Variants in CRPPA observed in about 807,000 individuals in gnomAD.
CRPPA encodes CDP-L-ribitol pyrophosphorylase A.
A neutral mutation model predicts 52.0 loss-of-function variants in CRPPA; 43 were observed. The ratio of observed to expected loss-of-function variants is 0.83; its 90% confidence interval spans 0.65 to 1.07. CRPPA has a LOEUF of 1.07. CRPPA is among the 50% of genes least tolerant of loss of function. CRPPA has a pLI of 0.00. For missense variants in CRPPA, 629 were observed against 551.7 expected (o/e 1.14, Z -1.40); for synonymous variants, 250 against 203.5 (o/e 1.23, Z -1.94).
In CRPPA at chr7:16,200,258, A is replaced by G. The variant is rs113604479; in HGVS notation, c.1251+15808T>C. The stretch of plus-strand genomic sequence containing the variant: ...ACCTCTCAGGAGTTCTTGTGCAAGA[A>G]GCAAAGTGGTTATGCTTACATACTA... On this transcript the variant is annotated intron_variant, in intron 9 of 9. Transcript: ENST00000407010. Among the ~76,000 whole-genome samples, 384 of 152,328 alleles carry G rather than the reference A, an allele frequency of 2.5e-3. 1 individual carries two copies. The highest frequency in any genetic ancestry group is 4.0e-3 in the Non-Finnish European group (273 of 68,018).
intron 2 of CRPPA, among the ~76,000 whole-genome samples, chr7:16,387,041 A>G (rs1787287241): frequency 1.1e-5 from 1 of 95,136 alleles, no homozygotes; most frequent in Non-Finnish European, 2.2e-5. Context: ...AAAATAAAAA[A>G]AAGATATATA....
At chr7:16,302,132 T>A (rs1784800603) in intron 4 of CRPPA, among the ~76,000 whole-genome samples, 1 of 151,770 alleles carries the variant, frequency 6.6e-6, no homozygotes, top group Admixed American at 6.6e-5. Context: ...CCGTCTCTAC[T>A]AAAAATACAA....
chr7:16,186,700 A>G (rs1294119362), intron 9 of CRPPA, among the ~76,000 whole-genome samples: 2 of 152,236 alleles, frequency 1.3e-5, no homozygotes, highest in Non-Finnish European at 2.9e-5. Flanking sequence ...ATATAGTACT[A>G]CACAATTTAT....
chr7:16,229,858 G>C (rs936771399), intron 8 of CRPPA, among the ~76,000 whole-genome samples: 2 of 151,992 alleles, frequency 1.3e-5, no homozygotes, highest in African/African-American at 4.8e-5. Context: ...GTTTGTCCAG[G>C]AAAGTATTCA....
intron 8 of CRPPA, among the ~76,000 whole-genome samples, chr7:16,243,734 G>C (rs1187634823): frequency 1.3e-5 from 2 of 152,154 alleles, no homozygotes. Flanking sequence ...GGGAGGCCAA[G>C]GTGGAAAGAT....
intron 2 of CRPPA, among the ~76,000 whole-genome samples, chr7:16,401,096 G>T (rs1248459907): frequency 1.3e-5 from 2 of 152,106 alleles, no homozygotes; most frequent in Admixed American, 6.5e-5. Flanking sequence ...CCCCTTTCCT[G>T]TCCCCAGAGG....
intron 3 of CRPPA, among the ~76,000 whole-genome samples, chr7:16,322,039 C>T (rs1785276612): frequency 6.6e-6 from 1 of 152,096 alleles, no homozygotes; most frequent in South Asian, 2.1e-4. Context: ...CCTGATGACA[C>T]CTCAATTTTG....
At chr7:16,253,070 G>T (rs537529753) in intron 8 of CRPPA, among the ~76,000 whole-genome samples, 1 of 152,004 alleles carries the variant, frequency 6.6e-6, no homozygotes, top group Non-Finnish European at 1.5e-5. Context: ...TGGATTCATT[G>T]ATTTTTTGAA....
At chr7:16,321,428 A>G (rs148590563) in intron 3 of CRPPA, among the ~76,000 whole-genome samples, 163 of 152,276 alleles carry the variant, frequency 1.1e-3, no homozygotes, top group African/African-American at 3.8e-3. Flanking sequence ...CATGTGACAT[A>G]TCTAACCCCA....
chr7:16,096,463 T>A (rs1051609493), intron 9 of CRPPA, among the ~76,000 whole-genome samples: 1 of 152,096 alleles, frequency 6.6e-6, no homozygotes, highest in Non-Finnish European at 1.5e-5. Context: ...ATAAAGAGAA[T>A]TTTACAATTA....
At chr7:16,344,286 C>A (rs950779121) in intron 3 of CRPPA, among the ~76,000 whole-genome samples, 3 of 151,520 alleles carry the variant, frequency 2.0e-5, no homozygotes, top group African/African-American at 4.9e-5. Context: ...ATAACGTGGG[C>A]CAGGTGTGAT....
intron 4 of CRPPA, among the ~76,000 whole-genome samples, chr7:16,304,800 C>T (rs138036854): frequency 6.6e-6 from 1 of 152,240 alleles, no homozygotes; most frequent in Non-Finnish European, 1.5e-5. Flanking sequence ...CCTGACTTTT[C>T]AGGGGAAAGG....
rs1472549168 is a variant in CRPPA, at chr7:16,406,219, G to C, written c.376C>G (p.Arg126Gly). 1.9e-6 allele frequency: 3 copies of C among 1,613,792 alleles called. No individual in the cohort carries two copies. The highest frequency in any genetic ancestry group is 2.5e-6 in the Non-Finnish European group (3 of 1,179,872). Residue 126 changes from arginine (R) to glycine (G), a missense_variant, in exon 2 of 10, where the codon CGC becomes GGC. Coordinates refer to ENST00000407010, the MANE Select transcript of CRPPA (RefSeq NM_001101426.4). The stretch of plus-strand genomic sequence containing the variant: ...AGTCCATTGAAAATTGACCTGTGGC[G>C]GGTCACTCCAGCTTCGACCAGTGAG... ...RISLVEAGVTRHRSIFNGLKA... is the reference protein window; with the variant it reads ...RISLVEAGVTGHRSIFNGLKA...
intron 2 of CRPPA, among the ~76,000 whole-genome samples, chr7:16,390,188 T>C (rs76267704): frequency 2.0e-5 from 3 of 151,752 alleles, no homozygotes; most frequent in African/African-American, 4.8e-5. Context: ...CTTCTTTCTG[T>C]CCTGCCTCCT....
chr7:16,229,932 T>TC (rs1562572009), intron 8 of CRPPA, among the ~76,000 whole-genome samples: 1 of 151,880 alleles, frequency 6.6e-6, no homozygotes, highest in Non-Finnish European at 1.5e-5. Context: ...CAGTTTTTTT[T>TC]CCCCCTTTTC....
At chr7:16,106,934 T>C (rs1782164234) in intron 9 of CRPPA, among the ~76,000 whole-genome samples, 1 of 151,988 alleles carries the variant, frequency 6.6e-6, no homozygotes, top group Admixed American at 6.6e-5. Flanking sequence ...TAAAAATAAT[T>C]TTTAAAAATT....
chr7:16,350,785 C>T (rs1170151984), intron 3 of CRPPA, among the ~76,000 whole-genome samples: 1 of 152,102 alleles, frequency 6.6e-6, no homozygotes, highest in Non-Finnish European at 1.5e-5. Flanking sequence ...GCTAAATGCA[C>T]TGAATGATCT....
intron 3 of CRPPA, among the ~76,000 whole-genome samples, chr7:16,357,579 G>A (rs968899862): frequency 2.6e-5 from 4 of 152,070 alleles, no homozygotes; most frequent in African/African-American, 9.7e-5. Flanking sequence ...GCAGCTGCAA[G>A]CTCCTACTTC....
intron 3 of CRPPA, among the ~76,000 whole-genome samples, chr7:16,311,129 C>T (rs1785025940): frequency 6.6e-6 from 1 of 152,124 alleles, no homozygotes; most frequent in African/African-American, 2.4e-5. Flanking sequence ...CTATTGAAAC[C>T]TTGTAAACAT....
Sources: gnomAD v4.1 joint callset for allele counts (sites outside exome capture counted in the v4.1 genomes callset) on GRCh38, gnomAD v4.1.1 for gene constraint, MANE v1.5 for transcripts, NCBI Gene and HGNC (gene_info 2026-07-23, HGNC 2026-07-21) for gene names.